NAALADL2: variants seen among roughly 807,000 people sequenced by gnomAD.
NAALADL2 encodes N-acetylated alpha-linked acidic dipeptidase like 2.
In NAALADL2, 76 loss-of-function variants were observed where a neutral mutation model predicts 87.2. That is an observed-to-expected ratio of 0.87 (90% CI 0.72 to 1.05). The LOEUF is 1.05. Among genes scored for constraint, NAALADL2 ranks in the 50% least tolerant of loss-of-function variants. The pLI is 0.00. For synonymous variants in NAALADL2, 354 were observed against 331.0 expected, an observed-to-expected ratio of 1.07 and a Z score of -0.75; for missense variants, 1,089 against 945.8, an observed-to-expected ratio of 1.15 and a Z score of -1.99.
intron 13 of NAALADL2, among the ~76,000 whole-genome samples, chr3:175,766,769 C>T (rs1172152859): frequency 6.6e-6 from 1 of 152,156 alleles, no homozygotes; most frequent in Non-Finnish European, 1.5e-5. Flanking sequence ...CATTTTGCTA[C>T]ATAATGAAAC....
At chr3:175,271,682 C>T (rs1010001669) in intron 4 of NAALADL2, among the ~76,000 whole-genome samples, 3 of 152,142 alleles carry the variant, frequency 2.0e-5, no homozygotes, top group African/African-American at 7.2e-5. Context: ...ATCCCAGCTA[C>T]TCAGGAGGCT....
At chr3:174,948,322 G>A (rs1229590413) in intron 1 of NAALADL2, among the ~76,000 whole-genome samples, 3 of 151,986 alleles carry the variant, frequency 2.0e-5, no homozygotes, top group East Asian at 1.9e-4. Context: ...GACTATAGGC[G>A]TGTGCCACCA....
chr3:175,154,730 A>G (rs566643631), intron 2 of NAALADL2, among the ~76,000 whole-genome samples: 4 of 152,262 alleles, frequency 2.6e-5, no homozygotes, highest in African/African-American at 9.6e-5. Context: ...TGAGGAATTA[A>G]TGATGGATGT....
chr3:175,131,823 G>A (rs1580613999), intron 2 of NAALADL2, among the ~76,000 whole-genome samples: 2 of 124,250 alleles, frequency 1.6e-5, no homozygotes, highest in South Asian at 5.4e-4. Flanking sequence ...GCGGGGGGCT[G>A]ACCCCCCCCA....
chr3:175,702,390 A>G (rs558890613), intron 11 of NAALADL2, among the ~76,000 whole-genome samples: 11 of 152,268 alleles, frequency 7.2e-5, no homozygotes, highest in South Asian at 6.2e-4. Context: ...TGATAATTTT[A>G]TTTTCCTTAC....
chr3:175,177,310 T>C (rs1419096461), intron 2 of NAALADL2, among the ~76,000 whole-genome samples: 1 of 152,122 alleles, frequency 6.6e-6, no homozygotes, highest in Non-Finnish European at 1.5e-5. Flanking sequence ...CCTCTATTTC[T>C]CCATGAGAAC....
At chr3:175,044,680 A>G (rs753978600) in intron 1 of NAALADL2, among the ~76,000 whole-genome samples, 4 of 152,270 alleles carry the variant, frequency 2.6e-5, no homozygotes, top group East Asian at 1.9e-4. Context: ...CTACATTTAT[A>G]TAATTATTAT....
At chr3:175,377,067 C>A (rs537135693) in intron 5 of NAALADL2, among the ~76,000 whole-genome samples, 1 of 151,850 alleles carries the variant, frequency 6.6e-6, no homozygotes, top group Non-Finnish European at 1.5e-5. Context: ...AATTCCAGTA[C>A]TTTGGGAGAC....
chr3:175,174,120 A>G (rs945577931), intron 2 of NAALADL2, among the ~76,000 whole-genome samples: 7 of 152,340 alleles, frequency 4.6e-5, no homozygotes, highest in East Asian at 1.9e-4. Flanking sequence ...AATCTCACAA[A>G]CATATATAAC....
At chr3:175,690,225 G>A (rs924960962) in intron 11 of NAALADL2, among the ~76,000 whole-genome samples, 3 of 152,006 alleles carry the variant, frequency 2.0e-5, no homozygotes, top group African/African-American at 7.2e-5. Context: ...GACTATAAGA[G>A]GTGAAACACA....
chr3:175,175,627 G>C (rs1735588797), intron 2 of NAALADL2, among the ~76,000 whole-genome samples: 1 of 152,010 alleles, frequency 6.6e-6, no homozygotes, highest in African/African-American at 2.4e-5. Flanking sequence ...TGACCTTCTT[G>C]CTGTTTCAAC....
At chr3:175,660,717 C>G (rs1352454023) in intron 11 of NAALADL2, among the ~76,000 whole-genome samples, 1 of 151,998 alleles carries the variant, frequency 6.6e-6, no homozygotes. Context: ...CTCTGTAAGA[C>G]TCACCTTTAT....
At chr3:175,075,512 G>C (rs1580313744) in intron 1 of NAALADL2, among the ~76,000 whole-genome samples, 1 of 152,160 alleles carries the variant, frequency 6.6e-6, no homozygotes, top group Non-Finnish European at 1.5e-5. Context: ...ACAAAATAGT[G>C]ATGCAATTTT....
intron 2 of NAALADL2, among the ~76,000 whole-genome samples, chr3:175,142,509 G>T (rs1459051835): frequency 6.6e-6 from 1 of 151,996 alleles, no homozygotes; most frequent in Non-Finnish European, 1.5e-5. Context: ...AGTCTGTGAA[G>T]TAATTTGCTT....
chr3:175,336,882 CAGAAT>C (rs1010025381), intron 5 of NAALADL2, among the ~76,000 whole-genome samples: 1 of 151,986 alleles, frequency 6.6e-6, no homozygotes, highest in Non-Finnish European at 1.5e-5. Flanking sequence ...ATTTCAGTGA[CAGAAT>C]AGAAAATGCA....
At chr3:175,510,584 T>C (rs13067631) in intron 9 of NAALADL2, among the ~76,000 whole-genome samples, 19,680 of 152,202 alleles carry the variant, frequency 0.13, 1,357 homozygotes, top group African/African-American at 0.16. Context: ...TGTTTTATAA[T>C]TTCCAAAGTC....
chr3:175,438,346 G>A lies in NAALADL2; in HGVS notation c.1091-8883G>A, dbSNP rs547870234. 1.4e-3 allele frequency among the ~76,000 whole-genome samples: 216 copies of A among 152,212 alleles called. 1 individual carries two copies. Among genetic ancestry groups the A allele is most frequent in the African/African-American group, 4.5e-3 (185 of 41,560 alleles). On this transcript the variant is annotated intron_variant, in intron 5 of 13. Transcript: ENST00000454872. ...GACAACAAAATGACTAACCAATTTAGTGTACTGGTCATTTCAGAAAAATAA... is the reference window on the plus strand; with the variant it reads ...GACAACAAAATGACTAACCAATTTAATGTACTGGTCATTTCAGAAAAATAA...
At chr3:174,477,118 G>GA in intron 1 of NAALADL2, among the ~76,000 whole-genome samples, 1 of 151,866 alleles carries the variant, frequency 6.6e-6, no homozygotes, top group East Asian at 1.9e-4. Flanking sequence ...AAAATTAAAG[G>GA]AAAAAAATAA....
intron 11 of NAALADL2, among the ~76,000 whole-genome samples, chr3:175,694,908 A>C (rs1737541907): frequency 6.6e-6 from 1 of 152,086 alleles, no homozygotes; most frequent in African/African-American, 2.4e-5. Context: ...GTACCAGTGA[A>C]GGTTTTGGGG....
Sources: allele counts gnomAD v4.1 joint callset (sites outside exome capture counted in the v4.1 genomes callset), GRCh38; gene constraint gnomAD v4.1.1; transcripts MANE v1.5; gene names NCBI Gene and HGNC (gene_info 2026-07-23, HGNC 2026-07-21).